Variants in EDEM2 observed in about 807,000 individuals in gnomAD.
The protein encoded by EDEM2 is ER degradation enhancing alpha-mannosidase like protein 2.
In EDEM2, 39 loss-of-function variants were observed where a neutral mutation model predicts 64.8. The observed-to-expected ratio is 0.60, with a 90% CI of 0.47 to 0.79. The LOEUF (loss-of-function observed/expected upper bound fraction) is 0.79. Among genes scored for constraint, EDEM2 ranks in the 30% least tolerant of loss-of-function variants. The probability of loss-of-function intolerance (pLI) is 0.00; values close to 1 mark genes in which losing one functional copy is unlikely to be tolerated. For synonymous variants in EDEM2, 296 were observed against 291.5 expected (o/e 1.02, Z -0.16); for missense variants, 609 against 731.3 (o/e 0.83, Z 1.93).
chr20:35,121,336 C>A (rs1480212026), intron 9 of EDEM2, among the ~76,000 whole-genome samples: 1 of 152,152 alleles, frequency 6.6e-6, no homozygotes, highest in African/African-American at 2.4e-5. Context: ...AGATCCCTCA[C>A]ATATGCAGTT....
intron 5 of EDEM2, among the ~76,000 whole-genome samples, chr20:35,136,797 T>C (rs1226109185): frequency 7.7e-6 from 1 of 129,360 alleles, no homozygotes; most frequent in African/African-American, 2.9e-5. Context: ...AAGGGATAAA[T>C]AAGTGAGATG....
chr20:35,117,700 C>T (rs993537388), intron 10 of EDEM2, among the ~76,000 whole-genome samples: 3 of 152,140 alleles, frequency 2.0e-5, no homozygotes, highest in Admixed American at 6.6e-5. Context: ...TTCCATACCC[C>T]AACACTGTAG....
chr20:35,134,792 A>G lies in EDEM2; in HGVS notation c.648T>C (p.Asp216=). The G allele has an allele frequency of 6.2e-7, 1 of 1,614,038 alleles. No individual in the cohort carries two copies. Among genetic ancestry groups the G allele is most frequent in the Non-Finnish European group, 8.5e-7 (1 of 1,180,020 alleles). ...SSLTGDPVFE[D]VARVALMRLW... ...GGCGCATCAAAGCCACTCTGGCCAC[A>G]TCTTCGAACACCGGGTCACCAGTGA... Residue 216 remains aspartate, a synonymous_variant, in exon 6 of 11, where the codon GAT becomes GAC. Transcript: ENST00000374492.
chr20:35,134,626 G>A (rs2085549508), intron 6 of EDEM2, 112 bp downstream of exon 6: 1 of 1,242,182 alleles, frequency 8.1e-7, no homozygotes, highest in Non-Finnish European at 1.1e-6. Flanking sequence ...CCCAAATCCT[G>A]GACCACTCCC....
At chr20:35,133,061 T>C (rs76481715) in intron 6 of EDEM2, among the ~76,000 whole-genome samples, 100 of 152,262 alleles carry the variant, frequency 6.6e-4, no homozygotes, top group African/African-American at 2.4e-3. Flanking sequence ...GGGTATGCCA[T>C]CAGGCAGGTT....
chr20:35,127,050 TC>T (rs2085443457), intron 7 of EDEM2, among the ~76,000 whole-genome samples: 1 of 152,162 alleles, frequency 6.6e-6, no homozygotes. Context: ...GGGGGCCGTT[TC>T]CCCCATACTG....
rs1312244915 is a variant in EDEM2, at chr20:35,147,209, G to A, written c.50C>T (p.Pro17Leu). 9 of 1,602,250 alleles carry A rather than the reference G, an allele frequency of 5.6e-6. No individual in the cohort carries two copies. The highest frequency in any genetic ancestry group is 6.8e-6 in the Non-Finnish European group (8 of 1,172,846). The change falls in exon 1 of 11, where the codon CCT becomes CTT. Residue 17 changes from proline (P) to leucine (L), a missense_variant. By Grantham distance (98) the Pro-to-Leu change is moderately conservative (BLOSUM62 -3). Coordinates refer to ENST00000374492, the MANE Select transcript of EDEM2 (RefSeq NM_018217.3). ...GGGACCTGGCGCACCATGGTGCTGA[G>A]GCAGCAGCGCGCACAGGAGGCCGAG... Reference protein sequence around the residue: ...IPLGLLCALLPQHHGAPGPDG... With the variant: ...IPLGLLCALLLQHHGAPGPDG...
chr20:35,140,247 G>GC (rs2085634371), intron 4 of EDEM2, among the ~76,000 whole-genome samples: 1 of 152,226 alleles, frequency 6.6e-6, no homozygotes, highest in South Asian at 2.1e-4. Context: ...ACTTTGGGAA[G>GC]CCAAAGCAGG....
intron 8 of EDEM2, among the ~76,000 whole-genome samples, chr20:35,126,044 G>C (rs2085428344): frequency 6.6e-6 from 1 of 152,144 alleles, no homozygotes; most frequent in Non-Finnish European, 1.5e-5. Context: ...ACACTCCATG[G>C]CAAACTGGAA....
Position 35,137,872 on chromosome 20 carries a change from G to A in EDEM2, c.490+8C>T. The A allele has an allele frequency of 6.2e-7, 1 of 1,613,814 alleles. No individual in the cohort carries two copies. Among genetic ancestry groups the A allele is most frequent in the Non-Finnish European group, 8.5e-7 (1 of 1,179,804 alleles). On this transcript the variant is annotated splice_region_variant and intron_variant, in intron 5 of 10. Transcript: ENST00000374492. ...TTCGTCTCTGCCCCATCTCTGTGTG[G>A]GTCTTACCTGGGAGGAGTTTTCGGG... is the stretch of plus-strand genomic sequence containing the variant.
intron 7 of EDEM2, among the ~76,000 whole-genome samples, chr20:35,129,191 G>C (rs1176872192): frequency 6.6e-6 from 1 of 152,160 alleles, no homozygotes; most frequent in Non-Finnish European, 1.5e-5. Context: ...TGGATTGCCT[G>C]AGCTCAGGAG....
At chr20:35,141,777 A>AT (rs2085657492) in intron 4 of EDEM2, among the ~76,000 whole-genome samples, 1 of 152,130 alleles carries the variant, frequency 6.6e-6, no homozygotes, top group Non-Finnish European at 1.5e-5. Flanking sequence ...CAACATCTGA[A>AT]TTTTTTAACC....
intron 4 of EDEM2, among the ~76,000 whole-genome samples, chr20:35,139,591 A>C (rs914499353): frequency 6.6e-6 from 1 of 151,352 alleles, no homozygotes; most frequent in Non-Finnish European, 1.5e-5. Flanking sequence ...CGGAGGTTGC[A>C]GTGAGCTGAG....
intron 4 of EDEM2, among the ~76,000 whole-genome samples, chr20:35,140,061 T>C (rs1031934303): frequency 1.6e-4 from 24 of 152,094 alleles, no homozygotes; most frequent in African/African-American, 4.8e-4. Flanking sequence ...CCAAAGGCAG[T>C]TGAATAAAGA....
chr20:35,139,247 A>G (rs647515), intron 4 of EDEM2, among the ~76,000 whole-genome samples: 124,706 of 151,498 alleles, frequency 0.82, 51,815 homozygotes, highest in African/African-American at 0.92. Flanking sequence ...CTACTTGGGA[A>G]GCTGAGGCAG....
At chr20:35,139,621 G>A (rs576907891) in intron 4 of EDEM2, among the ~76,000 whole-genome samples, 28 of 149,894 alleles carry the variant, frequency 1.9e-4, no homozygotes, top group Non-Finnish European at 3.8e-4. Flanking sequence ...CTGCACTCCA[G>A]CCTGGGCGAC....
chr20:35,120,220 C>G (rs2016438), intron 9 of EDEM2, among the ~76,000 whole-genome samples: 92,736 of 152,000 alleles, frequency 0.61, 28,500 homozygotes, highest in Admixed American at 0.71. Flanking sequence ...GCGCCACCAG[C>G]CCTGACTAAT....
intron 7 of EDEM2, among the ~76,000 whole-genome samples, chr20:35,129,256 A>C (rs2085476482): frequency 6.6e-6 from 1 of 152,126 alleles, no homozygotes; most frequent in Non-Finnish European, 1.5e-5. Flanking sequence ...AAATACAAAA[A>C]ATTAGCTGGG....
At position 35,117,997 on chromosome 20, in the gene EDEM2, TTA is replaced by T. The variant is rs139636912; in HGVS notation, c.1236+599_1236+600del. ...CTAGCCCCTGCCTACCTCTGGGACCTTATCTCTTCCCACTTTTCTCCTTGCTT... is the reference window on the plus strand; with the variant it reads ...CTAGCCCCTGCCTACCTCTGGGACCTTCTCTTCCCACTTTTCTCCTTGCTT... On this transcript the variant is annotated intron_variant, in intron 10 of 10. Coordinates refer to ENST00000374492, the MANE Select transcript of EDEM2 (RefSeq NM_018217.3). Among the ~76,000 whole-genome samples, 689 of 152,284 alleles carry T rather than the reference TTA, an allele frequency of 4.5e-3. 2 individuals carry two copies. Among genetic ancestry groups the T allele is most frequent in the African/African-American group, 0.016 (660 of 41,564 alleles).
Sources: gnomAD v4.1 joint callset for allele counts (sites outside exome capture counted in the v4.1 genomes callset) on GRCh38, gnomAD v4.1.1 for gene constraint, MANE v1.5 for transcripts, NCBI Gene and HGNC (gene_info 2026-07-23, HGNC 2026-07-21) for gene names.